Variants in KLHL18 observed in about 807,000 individuals in gnomAD.
KLHL18 encodes kelch-like protein 18.
KLHL18 carries 38 observed loss-of-function variants against 58.5 expected under a neutral mutation model. That is an observed-to-expected ratio of 0.65 (90% CI 0.50 to 0.85). The LOEUF (loss-of-function observed/expected upper bound fraction) is 0.85. Ranked by LOEUF, KLHL18 falls within the 40% of genes least tolerant of loss-of-function variation. KLHL18 has a pLI of 0.00. For synonymous variants in KLHL18, 303 were observed against 301.9 expected (o/e 1.00, Z -0.04); for missense variants, 624 against 778.4 (o/e 0.80, Z 2.36).
chr3:47,336,313 C>G (rs185784112), intron 6 of KLHL18, among the ~76,000 whole-genome samples: 99 of 152,326 alleles, frequency 6.5e-4, no homozygotes, highest in Middle Eastern at 3.4e-3. Context: ...AAACTACCCT[C>G]TCTAAAAAAT....
At position 47,330,019 on chromosome 3, in the gene KLHL18, A is replaced by G. The variant is rs199542047; in HGVS notation, c.470A>G (p.Asp157Gly). ...ACAATGATGTGTGCTGTGCTGTACG[A>G]CGCTGCCAACAGCTTCATCCACCAG... is the stretch of plus-strand genomic sequence containing the variant. ...AETMMCAVLYDAANSFIHQHF... is the reference protein window; with the variant it reads ...AETMMCAVLYGAANSFIHQHF... Residue 157 changes from aspartate to glycine, a missense_variant, in exon 4 of 10, where the codon GAC becomes GGC. Coordinates refer to ENST00000232766, the MANE Select transcript of KLHL18 (RefSeq NM_025010.5). The G allele has an allele frequency of 5.6e-6, 9 of 1,614,032 alleles. No individual in the cohort carries two copies. The Admixed American group carries it at 1.0e-4, about 18-fold the overall frequency.
rs186347548 is a variant in KLHL18 at position 47,320,440 on chromosome 3, A to C, written c.260+657A>C. Among the ~76,000 whole-genome samples the C allele has an allele frequency of 3.3e-5, 5 of 152,322 alleles. No homozygotes were observed. The East Asian group carries it at 7.7e-4, about 23-fold the overall frequency. On this transcript the variant is annotated intron_variant, in intron 2 of 9. Transcript: ENST00000232766. ...TTATGGTTATTTCATGGTTCAGAAAATTGAAGCTCAAGGAGATCAAGCCCA... is the reference window on the plus strand; with the variant it reads ...TTATGGTTATTTCATGGTTCAGAAACTTGAAGCTCAAGGAGATCAAGCCCA...
At chr3:47,310,354 C>T (rs1250867411) in intron 1 of KLHL18, among the ~76,000 whole-genome samples, 1 of 152,126 alleles carries the variant, frequency 6.6e-6, no homozygotes, top group African/African-American at 2.4e-5. Flanking sequence ...TCCTGCTTCT[C>T]TTCTCATTTC....
At chr3:47,283,154 G>A in intron 1 of KLHL18, 60 bp downstream of exon 1, 2 of 1,486,362 alleles carry the variant, frequency 1.3e-6, no homozygotes, top group Non-Finnish European at 1.8e-6. Flanking sequence ...GAGTAAAAAG[G>A]GGCGGGGGAC....
chr3:47,285,968 A>G (rs1702665820), intron 1 of KLHL18, among the ~76,000 whole-genome samples: 1 of 151,398 alleles, frequency 6.6e-6, no homozygotes, highest in Non-Finnish European at 1.5e-5. Context: ...TGAGCCTGGG[A>G]GGCAGAGGCT....
rs527750006 is a variant in KLHL18 at position 47,306,037 on chromosome 3, T to A, written c.130-13616T>A. 4.6e-5 allele frequency among the ~76,000 whole-genome samples: 7 copies of A among 152,184 alleles called. No homozygotes were observed. The South Asian group carries it at 1.5e-3, about 32-fold the overall frequency. ...TCTTTTTGTTTCATTAGTTTACTGT[T>A]TTCCTGTTTTTAATTTCATTGATTT... On this transcript the variant is annotated intron_variant, in intron 1 of 9. Transcript: ENST00000232766.
chr3:47,339,407 C>A (rs1291266722), intron 7 of KLHL18, among the ~76,000 whole-genome samples: 2 of 151,510 alleles, frequency 1.3e-5, no homozygotes, highest in African/African-American at 4.9e-5. Context: ...TGGGAGAATC[C>A]CTTGAACCCA....
In KLHL18 at chr3:47,334,609, C is replaced by T; in HGVS notation, c.762-74C>T. 2.6e-6 allele frequency: 4 copies of T among 1,558,884 alleles called. No homozygotes were observed. Among genetic ancestry groups the T allele is most frequent in the Non-Finnish European group, 3.5e-6 (4 of 1,138,448 alleles). On this transcript the variant is annotated intron_variant, in intron 5 of 9. Transcript: ENST00000232766. The surrounding 1 kb of genome is among the most constrained non-coding windows in gnomAD (Gnocchi z 4.7). ...TTCCCCTGCAGTTGGCAGTGGAGAG[C>T]CAGGCTCAGAGATGCAAACGAGGAC... is the stretch of plus-strand genomic sequence containing the variant.
At position 47,290,051 on chromosome 3, in the gene KLHL18, A is replaced by G. The variant is rs1214678756; in HGVS notation, c.129+6957A>G. Reference sequence around the variant, plus strand: ...TAAGCCATCATTTTACAGATGTAAAAAACCCTGAGGCTTAGAGCTATTAAG... The same window carrying G: ...TAAGCCATCATTTTACAGATGTAAAGAACCCTGAGGCTTAGAGCTATTAAG... On this transcript the variant is annotated intron_variant, in intron 1 of 9. Transcript: ENST00000232766. Among the ~76,000 whole-genome samples the G allele has an allele frequency of 2.0e-5, 3 of 152,252 alleles. No individual in the cohort carries two copies. In the East Asian group the frequency reaches 5.8e-4, roughly 29 times the overall value.
At chr3:47,338,704 C>T (rs1234907239) in intron 7 of KLHL18, 1 of 152,204 alleles carries the variant, frequency 6.6e-6, no homozygotes, top group African/African-American at 2.4e-5. Flanking sequence ...CGCCTGTTAT[C>T]CCAGCTACTT....
chr3:47,315,963 G>A (rs1288381887), intron 1 of KLHL18, among the ~76,000 whole-genome samples: 1 of 152,102 alleles, frequency 6.6e-6, no homozygotes, highest in Non-Finnish European at 1.5e-5. Flanking sequence ...CAGAAAGATT[G>A]TAAGATAGGG....
chr3:47,300,482 G>A (rs1486473981), intron 1 of KLHL18, among the ~76,000 whole-genome samples: 1 of 149,520 alleles, frequency 6.7e-6, no homozygotes, highest in Non-Finnish European at 1.5e-5. Flanking sequence ...TGCCCAAGCT[G>A]GTCTTGAACT....
At chr3:47,288,089 C>T (rs898956306) in intron 1 of KLHL18, among the ~76,000 whole-genome samples, 3 of 151,768 alleles carry the variant, frequency 2.0e-5, no homozygotes, top group South Asian at 2.1e-4. Flanking sequence ...GACATGCTGG[C>T]GCGGGCCTGT....
At chr3:47,330,638 C>A (rs17079586) in intron 4 of KLHL18, among the ~76,000 whole-genome samples, 2 of 152,042 alleles carry the variant, frequency 1.3e-5, no homozygotes, top group South Asian at 4.2e-4. Flanking sequence ...TTTTTGTCAA[C>A]CTACTCACCT....
intron 7 of KLHL18, 37 bp downstream of exon 7, chr3:47,336,794 C>T (rs1187357185): frequency 1.3e-6 from 2 of 1,515,574 alleles, no homozygotes; most frequent in South Asian, 1.1e-5. Flanking sequence ...AACATACACA[C>T]TGAGCACCTG....
intron 1 of KLHL18, among the ~76,000 whole-genome samples, chr3:47,298,359 A>AC (rs1277921218): frequency 1.3e-5 from 2 of 151,256 alleles, no homozygotes; most frequent in African/African-American, 2.4e-5. Flanking sequence ...TCTCTAAAAA[A>AC]AAAAAAAAAA....
At chr3:47,339,309 A>C (rs1265598703) in intron 7 of KLHL18, among the ~76,000 whole-genome samples, 1 of 151,900 alleles carries the variant, frequency 6.6e-6, no homozygotes, top group East Asian at 1.9e-4. Flanking sequence ...AGCCTGGGCA[A>C]CATAGTGAGA....
chr3:47,342,628 G>C, intron 8 of KLHL18, 91 bp from the exon 9 acceptor site: 3 of 982,058 alleles, frequency 3.1e-6, no homozygotes, highest in Non-Finnish European at 4.8e-6. Flanking sequence ...GAGATGGCCA[G>C]CACAGTTCAC....
At chr3:47,343,029 G>A (rs1326859815) in intron 9 of KLHL18, among the ~76,000 whole-genome samples, 199 bp downstream of exon 9, 1 of 152,198 alleles carries the variant, frequency 6.6e-6, no homozygotes, top group East Asian at 1.9e-4. Context: ...GAAGGGCAAA[G>A]GGTAGTCACA....
Sources: allele counts gnomAD v4.1 joint callset (sites outside exome capture counted in the v4.1 genomes callset), GRCh38; gene constraint gnomAD v4.1.1; non-coding constraint Gnocchi (gnomAD v3.1); transcripts MANE v1.5; gene names NCBI Gene and HGNC (gene_info 2026-07-23, HGNC 2026-07-21).